Variants in ULK2 observed in about 807,000 individuals in gnomAD.
ULK2 encodes the protein unc-51 like autophagy activating kinase 2.
Under a neutral mutation model 127.5 loss-of-function variants are expected in ULK2, and 76 were observed. The ratio of observed to expected loss-of-function variants is 0.60; its 90% confidence interval spans 0.50 to 0.72. The LOEUF (loss-of-function observed/expected upper bound fraction) is 0.72, where lower values mean the gene tolerates loss of function less well. ULK2 is among the 30% of genes least tolerant of loss of function. The pLI is 0.00. For missense variants in ULK2, 1,144 were observed against 1,295.9 expected, an observed-to-expected ratio of 0.88 and a Z score of 1.80; for synonymous variants, 452 against 461.9, an observed-to-expected ratio of 0.98 and a Z score of 0.28.
chr17:19,792,181 C>T (rs2087170321), intron 20 of ULK2, among the ~76,000 whole-genome samples: 1 of 151,860 alleles, frequency 6.6e-6, no homozygotes, highest in South Asian at 2.1e-4. Flanking sequence ...AAAGCAAGAG[C>T]AAACGAAACC....
intron 10 of ULK2, among the ~76,000 whole-genome samples, chr17:19,835,107 G>A (rs1350456880): frequency 2.6e-5 from 4 of 151,676 alleles, no homozygotes; most frequent in African/African-American, 9.7e-5. Context: ...AGGGAACAAA[G>A]CTTCTACATT....
intron 12 of ULK2, among the ~76,000 whole-genome samples, chr17:19,817,381 CAA>C (rs2041017421): frequency 6.6e-6 from 1 of 152,022 alleles, no homozygotes; most frequent in South Asian, 2.1e-4. Context: ...AGCAGGAAAC[CAA>C]GAGACCACAT....
At chr17:19,778,460 G>A (rs1263792414) in intron 25 of ULK2, among the ~76,000 whole-genome samples, 3 of 152,164 alleles carry the variant, frequency 2.0e-5, no homozygotes, top group East Asian at 1.9e-4. Context: ...GTGGGAAGGG[G>A]CTCTCCAGAA....
At chr17:19,811,940 C>T (rs554760249) in intron 13 of ULK2, among the ~76,000 whole-genome samples, 2 of 152,018 alleles carry the variant, frequency 1.3e-5, no homozygotes, top group African/African-American at 4.8e-5. Flanking sequence ...ACTATAGAGG[C>T]AACGGGACAG....
rs762638149 is a variant in ULK2, at chr17:19,795,651, C to T, written c.2072G>A (p.Ser691Asn). Reference protein sequence around the residue: ...PICRHQGSTDSLNTERPMDIA... With the variant: ...PICRHQGSTDNLNTERPMDIA... ...ATCCATTGGTCGTTCTGTATTTAAA[C>T]TGTCTGTGCTGCCCTGATGTCGACA... The change falls in exon 20 of 27, where the codon AGT becomes AAT. Residue 691 changes from serine (S) to asparagine (N), a missense_variant. By Grantham distance (46) the Ser-to-Asn change is conservative. This residue lies in a region of ULK2 where 913 missense variants were observed against 970.5 expected (regional missense o/e 0.94). Coordinates refer to ENST00000395544, the MANE Select transcript of ULK2 (RefSeq NM_014683.4). 2 of 1,614,134 alleles carry T rather than the reference C, an allele frequency of 1.2e-6. No individual in the cohort carries two copies. The highest frequency in any genetic ancestry group is 3.3e-5 in the Admixed American group (2 of 60,030).
rs934031131 is a variant in ULK2 at position 19,772,445 on chromosome 17, AG to A, written c.*3903del. ...TGCTTGGCTGCAGATTCAAGGGTCC[AG>A]GACTCAGAAAAAAGTGGTCTGAGGC... On this transcript the variant is annotated 3_prime_UTR_variant, in exon 27 of 27. Transcript: ENST00000395544. The A allele has an allele frequency of 6.6e-6, 1 of 152,208 alleles. No homozygotes were observed. The highest frequency in any genetic ancestry group is 2.4e-5 in the African/African-American group (1 of 41,446). 9.4% of individuals were successfully genotyped at this position (152,208 alleles called of 1,614,324 possible). A position where few individuals can be genotyped will look rare whatever the true frequency, so the allele number is the denominator to read the frequency against.
intron 14 of ULK2, among the ~76,000 whole-genome samples, chr17:19,805,598 T>A (rs1477700436): frequency 6.6e-6 from 1 of 152,208 alleles, no homozygotes; most frequent in African/African-American, 2.4e-5. Flanking sequence ...ATTTTATTAG[T>A]GGCAATAATA....
intron 10 of ULK2, among the ~76,000 whole-genome samples, chr17:19,828,476 G>C (rs957787714): frequency 6.6e-6 from 1 of 152,218 alleles, no homozygotes; most frequent in South Asian, 2.1e-4. Flanking sequence ...ACATAAAGGG[G>C]GTATAAAGCA....
intron 3 of ULK2, among the ~76,000 whole-genome samples, chr17:19,857,333 A>G (rs1390685664): frequency 6.6e-6 from 1 of 151,548 alleles, no homozygotes; most frequent in Non-Finnish European, 1.5e-5. Context: ...AAAATGTTTT[A>G]CATGTCCCTA....
intron 20 of ULK2, among the ~76,000 whole-genome samples, chr17:19,790,225 T>C (rs1297213019): frequency 6.6e-6 from 1 of 152,186 alleles, no homozygotes; most frequent in Non-Finnish European, 1.5e-5. Context: ...GAGACTATCC[T>C]GGCCAACATG....
At chr17:19,810,477 A>G in intron 13 of ULK2, 39 bp from the exon 14 acceptor site, 1 of 1,376,508 alleles carries the variant, frequency 7.3e-7, no homozygotes, top group Non-Finnish European at 1.0e-6. Context: ...CTGTTATACC[A>G]TCTGCTTAAA....
At chr17:19,835,428 C>T (rs1052053485) in intron 10 of ULK2, among the ~76,000 whole-genome samples, 1 of 149,568 alleles carries the variant, frequency 6.7e-6, no homozygotes, top group African/African-American at 2.4e-5. Context: ...AAGATGCATA[C>T]TGTAGAGGCC....
chr17:19,809,732 C>A (rs75170630), intron 14 of ULK2, among the ~76,000 whole-genome samples: 102 of 90,490 alleles, frequency 1.1e-3, no homozygotes, highest in East Asian at 2.6e-3. Context: ...GACTCCGTCT[C>A]AAAAAAAAAA....
chr17:19,812,261 T>C (rs755737201), intron 13 of ULK2, among the ~76,000 whole-genome samples: 3 of 152,200 alleles, frequency 2.0e-5, no homozygotes, highest in Non-Finnish European at 2.9e-5. Context: ...TTCAGGATTT[T>C]TGGTAAGTGA....
At chr17:19,843,253 G>T in intron 7 of ULK2, 31 bp from the exon 8 acceptor site, 1 of 1,417,268 alleles carries the variant, frequency 7.1e-7, no homozygotes, top group Non-Finnish European at 9.5e-7. Flanking sequence ...GGGGCATGCC[G>T]TACGTTATTT....
chr17:19,833,880 G>A (rs2041526433), intron 10 of ULK2, among the ~76,000 whole-genome samples: 1 of 152,134 alleles, frequency 6.6e-6, no homozygotes, highest in Non-Finnish European at 1.5e-5. Context: ...GAAAGAGAAA[G>A]GGACAGAATG....
chr17:19,841,604 A>G, intron 8 of ULK2, 57 bp from the exon 9 acceptor site: 11 of 1,382,856 alleles, frequency 8.0e-6, no homozygotes, highest in Non-Finnish European at 1.1e-5. Flanking sequence ...CTTTCAAATC[A>G]TATGATTGAC....
At chr17:19,854,565 G>C (rs1268329751) in intron 3 of ULK2, among the ~76,000 whole-genome samples, 6 of 152,114 alleles carry the variant, frequency 3.9e-5, no homozygotes, top group African/African-American at 1.4e-4. Context: ...AAACAGGTAA[G>C]AGTCTGGGAT....
rs374286049 is a variant in ULK2, at chr17:19,780,524, T to G, written c.2864A>C (p.Glu955Ala). Reference protein sequence around the residue: ...FFSDKQRFIDEINSVTAEKLI... With the variant: ...FFSDKQRFIDAINSVTAEKLI... ...TTTCTCTGCAGTCACACTGTTGATT[T>G]CATCAATAAACCTCTGTTTGTCAGA... Residue 955 changes from glutamate to alanine, a missense_variant, in exon 25 of 27, where the codon GAA becomes GCA. Glu to Ala is a moderately radical substitution (Grantham distance 107). Coordinates refer to ENST00000395544, the MANE Select transcript of ULK2 (RefSeq NM_014683.4). 1.9e-6 allele frequency: 3 copies of G among 1,613,726 alleles called. No homozygotes were observed. Among genetic ancestry groups the G allele is most frequent in the Non-Finnish European group, 2.5e-6 (3 of 1,179,912 alleles).
Sources: allele counts gnomAD v4.1 joint callset (sites outside exome capture counted in the v4.1 genomes callset), GRCh38; gene constraint gnomAD v4.1.1; regional missense constraint gnomAD v4.1.1; transcripts MANE v1.5; gene names NCBI Gene and HGNC (gene_info 2026-07-23, HGNC 2026-07-21).